The following KCNG3 variants were observed in gnomAD, a reference collection of about 807,000 sequenced individuals.
The protein encoded by KCNG3 is potassium voltage-gated channel modifier subfamily G member 3.
A neutral mutation model predicts 29.0 loss-of-function variants in KCNG3; 15 were observed. The ratio of observed to expected loss-of-function variants is 0.52; its 90% CI spans 0.35 to 0.80. The LOEUF is 0.80. Among genes scored for constraint, KCNG3 ranks in the 30% least tolerant of loss-of-function variants. KCNG3 has a pLI of 0.01. For missense variants in KCNG3, 512 were observed against 605.7 expected (o/e 0.85, Z 1.62); for synonymous variants, 322 against 248.9 (o/e 1.29, Z -2.76).
the KCNG3 span, chr2:42,413,836 G>T: frequency 6.6e-6 from 1 of 152,144 alleles, no homozygotes; most frequent in East Asian, 1.9e-4. Context: ...CAGCATGAGG[G>T]TAACCATCCC....
At chr2:42,477,427 A>ATT (rs768215543) in intron 1 of KCNG3, among the ~76,000 whole-genome samples, 13 of 108,982 alleles carry the variant, frequency 1.2e-4, no homozygotes, top group African/African-American at 5.2e-4. Context: ...ACACACATAT[A>ATT]TTTTTTTTTT....
chr2:42,492,914 C>G lies in KCNG3; in HGVS notation c.588G>C (p.Trp196Cys). 6 of 1,582,240 alleles carry G rather than the reference C, an allele frequency of 3.8e-6. No individual in the cohort carries two copies. Among genetic ancestry groups the G allele is most frequent in the Non-Finnish European group, 5.1e-6 (6 of 1,168,354 alleles). ...VVLCASTLPD[W>C]RNAAADNRSL... Reference sequence around the variant, plus strand: ...TGCGGTTGTCGGCGGCTGCGTTGCGCCAGTCGGGCAACGTGCTGGCGCACA... The same window carrying G: ...TGCGGTTGTCGGCGGCTGCGTTGCGGCAGTCGGGCAACGTGCTGGCGCACA... Residue 196 changes from tryptophan (W) to cysteine (C), a missense_variant, in exon 1 of 2, where the codon TGG becomes TGC. Transcript: ENST00000306078.
rs569719915 is a variant in KCNG3, at chr2:42,471,265, C to T, written c.665+21572G>A. Among the ~76,000 whole-genome samples the T allele has an allele frequency of 6.6e-5, 10 of 151,352 alleles. No homozygotes were observed. In the East Asian group the frequency reaches 1.9e-3, roughly 29 times the overall value. Reference sequence around the variant, plus strand: ...TAATAATCAAAAAGTAAAAACAATACAAATGTTCAACTGATGAATGGGTAA... The same window carrying T: ...TAATAATCAAAAAGTAAAAACAATATAAATGTTCAACTGATGAATGGGTAA... On this transcript the variant is annotated intron_variant, in intron 1 of 1. Transcript: ENST00000306078.
chr2:42,493,555 C>A lies in KCNG3; in HGVS notation c.-54G>T. 1 of 1,285,600 alleles carries A rather than the reference C, an allele frequency of 7.8e-7. No homozygotes were observed. Among genetic ancestry groups the A allele is most frequent in the Non-Finnish European group, 9.8e-7 (1 of 1,021,938 alleles). 79.6% of individuals were successfully genotyped at this position (1,285,600 alleles called of 1,614,324 possible). On this transcript the variant is annotated 5_prime_UTR_variant, in exon 1 of 2. Coordinates refer to ENST00000306078, the MANE Select transcript of KCNG3 (RefSeq NM_133329.6). Reference sequence around the variant, plus strand: ...GAGGGCCCCGCTGCAGCCCCCCACCCCAAGCCGCCACGCGGGGCCTGCCTG... The same window carrying A: ...GAGGGCCCCGCTGCAGCCCCCCACCACAAGCCGCCACGCGGGGCCTGCCTG...
the KCNG3 span, among the ~76,000 whole-genome samples, chr2:42,436,473 A>G: frequency 1.3e-5 from 2 of 152,246 alleles, no homozygotes; most frequent in African/African-American, 4.8e-5. Context: ...AACTCTTGCT[A>G]GATAGACTAA....
chr2:42,438,496 T>C (rs1336523059), downstream of KCNG3, among the ~76,000 whole-genome samples: 1 of 152,224 alleles, frequency 6.6e-6, no homozygotes, highest in Non-Finnish European at 1.5e-5. Context: ...CCCTTCACTT[T>C]CATGTACTAA....
chr2:42,477,400 C>T (rs1305396741), intron 1 of KCNG3, among the ~76,000 whole-genome samples: 36 of 49,648 alleles, frequency 7.3e-4, no homozygotes, highest in Non-Finnish European at 1.4e-3. Flanking sequence ...CACACACACA[C>T]ACACACACAC....
At chr2:42,410,681 A>G in the KCNG3 span, among the ~76,000 whole-genome samples, 2 of 152,110 alleles carry the variant, frequency 1.3e-5, no homozygotes, top group Non-Finnish European at 2.9e-5. Context: ...TATTGATCAT[A>G]AGCTCTTTTA....
Position 42,443,864 on chromosome 2 carries a change from G to T in KCNG3, c.*70C>A. On this transcript the variant is annotated 3_prime_UTR_variant, in exon 2 of 2. Transcript: ENST00000306078. ...TGCCACTGCAGTGCTCACCCAGCAA[G>T]AAACACATAAATATGAAGCAGCATC... 6.9e-7 allele frequency: 1 copy of T among 1,443,266 alleles called. No homozygotes were observed. The allele number at this position is 1,443,266 out of a possible 1,614,324, so 89.4% of individuals were successfully genotyped here.
At chr2:42,477,388 T>TACACACACACACACACACAC (rs1210808896) in intron 1 of KCNG3, among the ~76,000 whole-genome samples, 8 of 104,786 alleles carry the variant, frequency 7.6e-5, no homozygotes, top group African/African-American at 3.2e-4. Context: ...CACATATATA[T>TACACACACACACACACACAC]ACACACACAC....
At chr2:42,488,366 G>C (rs1228293251) in intron 1 of KCNG3, among the ~76,000 whole-genome samples, 1 of 151,812 alleles carries the variant, frequency 6.6e-6, no homozygotes, top group East Asian at 1.9e-4. Context: ...ATAAATAATT[G>C]TTCCTTGATT....
At chr2:42,430,690 G>A in the KCNG3 span, among the ~76,000 whole-genome samples, 12 of 152,088 alleles carry the variant, frequency 7.9e-5, no homozygotes, top group African/African-American at 1.9e-4. Flanking sequence ...CCAGATGGTC[G>A]AGGCTACAAT....
At chr2:42,485,764 A>G (rs1391387478) in intron 1 of KCNG3, among the ~76,000 whole-genome samples, 2 of 152,196 alleles carry the variant, frequency 1.3e-5, no homozygotes, top group East Asian at 3.8e-4. Context: ...TAGTCATTTT[A>G]AAAAACAACT....
the KCNG3 span, among the ~76,000 whole-genome samples, chr2:42,414,113 T>C: frequency 4.6e-5 from 7 of 152,228 alleles, no homozygotes; most frequent in African/African-American, 1.7e-4. Flanking sequence ...GTTGTTATTA[T>C]AATTATTATT....
the KCNG3 span, among the ~76,000 whole-genome samples, chr2:42,420,905 A>C: frequency 1.3e-5 from 2 of 152,236 alleles, no homozygotes; most frequent in Admixed American, 6.5e-5. Flanking sequence ...AAAAAATTGA[A>C]TTGACCAATT....
At chr2:42,408,793 C>A in the KCNG3 span, among the ~76,000 whole-genome samples, 1 of 152,162 alleles carries the variant, frequency 6.6e-6, no homozygotes, top group Non-Finnish European at 1.5e-5. Context: ...CTGAAACATG[C>A]CCCTTGCTCA....
chr2:42,428,416 G>C, the KCNG3 span, among the ~76,000 whole-genome samples: 1 of 144,632 alleles, frequency 6.9e-6, no homozygotes, highest in Non-Finnish European at 1.5e-5. Context: ...AGCCAAGATT[G>C]TGCCACTGCA....
At chr2:42,400,358 A>T in the KCNG3 span, among the ~76,000 whole-genome samples, 1 of 152,144 alleles carries the variant, frequency 6.6e-6, no homozygotes, top group South Asian at 2.1e-4. Context: ...ACAACAAAAC[A>T]TGCTTTAAAC....
At chr2:42,439,696 G>C (rs185711669), downstream of KCNG3, among the ~76,000 whole-genome samples, 126 of 151,824 alleles carry the variant, frequency 8.3e-4, 1 homozygote, top group Non-Finnish European at 1.1e-3. Flanking sequence ...ACCCAGGGTG[G>C]AGTGCAAAGG....
Sources: gnomAD v4.1 joint callset for allele counts (sites outside exome capture counted in the v4.1 genomes callset) on GRCh38, gnomAD v4.1.1 for gene constraint, MANE v1.5 for transcripts, NCBI Gene and HGNC (gene_info 2026-07-23, HGNC 2026-07-21) for gene names.